Variants in ABHD12B observed in about 807,000 individuals in gnomAD.
ABHD12B encodes protein ABHD12B.
Under a neutral mutation model 50.4 loss-of-function variants are expected in ABHD12B, and 42 were observed. The observed-to-expected ratio is 0.83, with a 90% CI of 0.65 to 1.08. ABHD12B has a LOEUF of 1.08. ABHD12B is among the 50% of genes least tolerant of loss of function. The pLI, the probability that ABHD12B is intolerant of heterozygous loss-of-function variation, is 0.00. For missense variants in ABHD12B, 479 were observed against 447.7 expected (o/e 1.07, Z -0.63); for synonymous variants, 167 against 160.3 (o/e 1.04, Z -0.32).
chr14:50,885,731 G>A (rs751291355), intron 6 of ABHD12B, 35 bp from the exon 7 acceptor site: 5 of 1,614,176 alleles, frequency 3.1e-6, no homozygotes, highest in Non-Finnish European at 4.2e-6. Flanking sequence ...CATTTTGAAG[G>A]CAGTGATACT....
chr14:50,904,812 G>C lies in ABHD12B; in HGVS notation c.*446G>C, dbSNP rs1338583300. The C allele has an allele frequency of 4.3e-6, 1 of 233,716 alleles. No homozygotes were observed. The highest frequency in any genetic ancestry group is 1.0e-4 in the East Asian group (1 of 9,754). 14.5% of individuals were successfully genotyped at this position (233,716 alleles called of 1,614,324 possible). A position where few individuals can be genotyped will look rare whatever the true frequency, so the allele number is the denominator to read the frequency against. On this transcript the variant is annotated 3_prime_UTR_variant, in exon 13 of 13. Coordinates refer to ENST00000337334, the MANE Select transcript of ABHD12B (RefSeq NM_001206673.2). ...GTGCCCTTATAAATTATGACCAAAA[G>C]AGCTCTTCACTCCTCCTACCATTTG...
Position 50,872,210 on chromosome 14 carries a change from C to G in ABHD12B, c.36C>G (p.Pro12=). The change falls in exon 1 of 13, where the codon CCC becomes CCG. Residue 12 remains proline, a synonymous_variant. Coordinates refer to ENST00000337334, the MANE Select transcript of ABHD12B (RefSeq NM_001206673.2). ...AGGACTGCCAGGCGGCCGCATCGCC[C>G]GAGCCGCCCGGGCCCCCAGCCCGTA... ...DAQDCQAAAS[P]EPPGPPARSC... 5 of 1,377,610 alleles carry G rather than the reference C, an allele frequency of 3.6e-6. No homozygotes were observed. The highest frequency in any genetic ancestry group is 3.8e-6 in the Non-Finnish European group (4 of 1,063,852). 85.3% of individuals were successfully genotyped at this position (1,377,610 alleles called of 1,614,324 possible).
At chr14:50,895,323 C>T (rs1030051003) in intron 9 of ABHD12B, among the ~76,000 whole-genome samples, 2 of 151,724 alleles carry the variant, frequency 1.3e-5, no homozygotes, top group African/African-American at 4.9e-5. Flanking sequence ...AAAAAAGTTG[C>T]AATTCCTTGC....
chr14:50,892,876 T>A (rs917887711), intron 9 of ABHD12B: 5 of 152,310 alleles, frequency 3.3e-5, no homozygotes, highest in African/African-American at 1.2e-4. Flanking sequence ...ATTATTGTGA[T>A]TTCCTCCTTG....
chr14:50,892,185 T>C (rs1430819328), intron 9 of ABHD12B: 1 of 152,962 alleles, frequency 6.5e-6, no homozygotes, highest in Non-Finnish European at 1.5e-5. Context: ...ATTTATTATT[T>C]ATTTATTTAA....
intron 10 of ABHD12B, among the ~76,000 whole-genome samples, chr14:50,902,807 A>G (rs1451400468): frequency 1.3e-5 from 2 of 152,230 alleles, no homozygotes; most frequent in Non-Finnish European, 2.9e-5. Context: ...GAAAGTAACT[A>G]GAGTGGGAGA....
chr14:50,888,036 C>T (rs553856928), intron 8 of ABHD12B, among the ~76,000 whole-genome samples: 2 of 152,224 alleles, frequency 1.3e-5, no homozygotes, highest in Non-Finnish European at 2.9e-5. Flanking sequence ...TGACCACTAG[C>T]CCCCATATCC....
rs1235255560 is a variant in ABHD12B at position 50,888,839 on chromosome 14, C to T, written c.716C>T (p.Ala239Val). ...VLEEKGCPVD[A>V]IVLEAPFTNM... ...TCATTTCAAGGATGCCCAGTTGATG[C>T]TATTGTCTTGGAAGCTCCATTTACC... is the stretch of plus-strand genomic sequence containing the variant. The change falls in exon 9 of 13, where the codon GCT (alanine) becomes GTT (valine). Residue 239 changes from alanine (A) to valine (V), a missense_variant. Ala to Val is a moderately conservative substitution (Grantham distance 64, BLOSUM62 0). Transcript: ENST00000337334. 1 of 1,613,734 alleles carries T rather than the reference C, an allele frequency of 6.2e-7. No individual in the cohort carries two copies. The highest frequency in any genetic ancestry group is 1.1e-5 in the South Asian group (1 of 91,066).
At chr14:50,885,993 A>C (rs1312020015) in intron 7 of ABHD12B, 98 bp downstream of exon 7, 1 of 1,524,828 alleles carries the variant, frequency 6.6e-7, no homozygotes, top group East Asian at 2.3e-5. Context: ...CCGAGCCAGA[A>C]GACAGGGACT....
At chr14:50,877,919 C>A in intron 1 of ABHD12B, 33 bp from the exon 2 acceptor site, 1 of 1,465,324 alleles carries the variant, frequency 6.8e-7, no homozygotes, top group Non-Finnish European at 9.0e-7. Flanking sequence ...GGATTAATTT[C>A]GAAAACCTTG....
chr14:50,882,973 C>CA lies in ABHD12B; in HGVS notation c.486+1363dup, dbSNP rs10648046. Among the ~76,000 whole-genome samples the CA allele has an allele frequency of 1.0e-2, 1,128 of 112,884 alleles. 51 individuals are homozygous for CA. The highest frequency in any genetic ancestry group is 0.036 in the African/African-American group (1,051 of 29,436). 74.1% of individuals were successfully genotyped at this position (112,884 alleles called of 152,430 possible). A position where few individuals can be genotyped will look rare whatever the true frequency, so the allele number is the denominator to read the frequency against. On this transcript the variant is annotated intron_variant, in intron 5 of 12. Transcript: ENST00000337334. ...ATGACAGAGTGAGGAGACCCTGACT[C>CA]AAAAAAAAAAAAAAAAGTCATTGAA...
chr14:50,873,318 C>T (rs2049812668), intron 1 of ABHD12B, among the ~76,000 whole-genome samples: 1 of 152,046 alleles, frequency 6.6e-6, no homozygotes, highest in South Asian at 2.1e-4. Flanking sequence ...TCCAGCGATC[C>T]TCCCGTCTCA....
intron 9 of ABHD12B, chr14:50,895,544 C>T (rs1204961045): frequency 6.6e-6 from 1 of 152,176 alleles, no homozygotes; most frequent in Non-Finnish European, 1.5e-5. Context: ...GAAAATCGGA[C>T]TGTTCAACTC....
intron 8 of ABHD12B, 105 bp from the exon 9 acceptor site, chr14:50,888,719 G>T: frequency 1.1e-6 from 1 of 889,836 alleles, no homozygotes. Context: ...AAATAATTTT[G>T]ATGCACGTAG....
chr14:50,904,548 T>C lies in ABHD12B; in HGVS notation c.*182T>C. The C allele has an allele frequency of 1.4e-6, 1 of 734,416 alleles. No individual in the cohort carries two copies. The highest frequency in any genetic ancestry group is 2.6e-5 in the Admixed American group (1 of 38,462). The allele number at this position is 734,416 out of a possible 1,614,324, so 45.5% of individuals were successfully genotyped here. ...TGTTAGGCAGTATGGAATGTTCTTATTTAGCTTATCATAATCTACTTTGTA... is the reference window on the plus strand; with the variant it reads ...TGTTAGGCAGTATGGAATGTTCTTACTTAGCTTATCATAATCTACTTTGTA... On this transcript the variant is annotated 3_prime_UTR_variant, in exon 13 of 13. Transcript: ENST00000337334.
In ABHD12B at chr14:50,877,942, T is replaced by C. The variant is rs1324903856; in HGVS notation, c.105-10T>C. The C allele has an allele frequency of 9.3e-6, 14 of 1,507,200 alleles. No individual in the cohort carries two copies. The highest frequency in any genetic ancestry group is 1.2e-5 in the Non-Finnish European group (14 of 1,135,866). 93.4% of individuals were successfully genotyped at this position (1,507,200 alleles called of 1,614,324 possible). On this transcript the variant is annotated splice_polypyrimidine_tract_variant and intron_variant, in intron 1 of 12. Coordinates refer to ENST00000337334, the MANE Select transcript of ABHD12B (RefSeq NM_001206673.2). ...TTCGAAAACCTTGTGTGTTTCCCAATACCTTGCAGATATTTTCCACACTCC... is the reference window on the plus strand; with the variant it reads ...TTCGAAAACCTTGTGTGTTTCCCAACACCTTGCAGATATTTTCCACACTCC...
Position 50,902,526 on chromosome 14 carries a change from A to G in ABHD12B, c.863+615A>G, listed in dbSNP as rs1202397985. Among the ~76,000 whole-genome samples, 4 of 152,324 alleles carry G rather than the reference A, an allele frequency of 2.6e-5. No individual in the cohort carries two copies. The East Asian group carries it at 7.7e-4, about 29-fold the overall frequency. ...AAACCAGCCTAACATTTCTTGAGGC[A>G]TCTCTGACTTCTAGGCCCTTTTCCC... is the stretch of plus-strand genomic sequence containing the variant. On this transcript the variant is annotated intron_variant, in intron 10 of 12. Transcript: ENST00000337334.
intron 9 of ABHD12B, chr14:50,895,448 G>A (rs372460067): frequency 2.6e-5 from 4 of 152,098 alleles, no homozygotes; most frequent in Non-Finnish European, 4.4e-5. Flanking sequence ...CTTGCTACAC[G>A]TGCCGGAAAT....
At chr14:50,900,516 T>C (rs1435613899) in intron 9 of ABHD12B, among the ~76,000 whole-genome samples, 1 of 152,020 alleles carries the variant, frequency 6.6e-6, no homozygotes, top group Non-Finnish European at 1.5e-5. Context: ...AGAAATCCAA[T>C]AGTGAGAAGT....
Sources: allele counts gnomAD v4.1 joint callset (sites outside exome capture counted in the v4.1 genomes callset), GRCh38; gene constraint gnomAD v4.1.1; transcripts MANE v1.5; gene names NCBI Gene and HGNC (gene_info 2026-07-23, HGNC 2026-07-21).